THSD4: variants seen among roughly 807,000 people sequenced by gnomAD.
THSD4 encodes thrombospondin type-1 domain-containing protein 4.
In THSD4, 69 loss-of-function variants were observed where a neutral mutation model predicts 119.0. That is an observed-to-expected ratio of 0.58 (90% CI 0.48 to 0.71). The LOEUF (loss-of-function observed/expected upper bound fraction) is 0.71, where lower values mean the gene tolerates loss of function less well. Ranked by LOEUF, THSD4 falls within the 30% of genes least tolerant of loss-of-function variation. The pLI is 0.00. For missense variants in THSD4, 1,393 were observed against 1,391.1 expected, an observed-to-expected ratio of 1.00 and a Z score of -0.02; for synonymous variants, 524 against 540.4, an observed-to-expected ratio of 0.97 and a Z score of 0.42.
At chr15:71,308,374 G>A (rs1370605966) in intron 6 of THSD4, among the ~76,000 whole-genome samples, 2 of 152,296 alleles carry the variant, frequency 1.3e-5, no homozygotes, top group African/African-American at 4.8e-5. Context: ...CAAATAACAG[G>A]TTCTTCACAT....
chr15:71,642,463 G>T (rs1038914166), intron 7 of THSD4, among the ~76,000 whole-genome samples: 5 of 151,982 alleles, frequency 3.3e-5, no homozygotes, highest in African/African-American at 1.2e-4. Context: ...TATACCCAAA[G>T]GACTATAAAT....
At chr15:71,399,259 C>G (rs139923302) in intron 6 of THSD4, among the ~76,000 whole-genome samples, 2 of 152,110 alleles carry the variant, frequency 1.3e-5, no homozygotes, top group Non-Finnish European at 2.9e-5. Context: ...CCTTGTCCTC[C>G]GTAGGCAAGG....
At chr15:71,743,163 C>T (rs566576419) in intron 11 of THSD4, among the ~76,000 whole-genome samples, 8 of 152,152 alleles carry the variant, frequency 5.3e-5, no homozygotes, top group Admixed American at 2.0e-4. Context: ...TGTCCATAAA[C>T]GCCGTAAAAT....
At chr15:71,297,315 C>CTTTTTTTT (rs772196153) in intron 6 of THSD4, among the ~76,000 whole-genome samples, 62,789 of 134,420 alleles carry the variant, frequency 0.47, 15,601 homozygotes, top group Admixed American at 0.61. Flanking sequence ...CTCTCCTCTT[C>CTTTTTTTT]TTTTTTTTGT....
At chr15:71,614,935 C>T (rs1048545327) in intron 7 of THSD4, among the ~76,000 whole-genome samples, 2 of 152,102 alleles carry the variant, frequency 1.3e-5, no homozygotes, top group Admixed American at 6.5e-5. Context: ...AGGACCTCTG[C>T]GGAGCATGCT....
At chr15:71,322,391 C>T (rs187929121) in intron 6 of THSD4, among the ~76,000 whole-genome samples, 105 of 152,282 alleles carry the variant, frequency 6.9e-4, no homozygotes, top group Non-Finnish European at 1.3e-3. Flanking sequence ...ATCAGAAAAA[C>T]TTGCTAGGCC....
chr15:71,346,942 C>T (rs11638864), intron 6 of THSD4, among the ~76,000 whole-genome samples: 85,578 of 142,168 alleles, frequency 0.6, 26,356 homozygotes, highest in East Asian at 0.81. Flanking sequence ...GGTGTGATCT[C>T]GGCTCACCGC....
At chr15:71,709,406 C>G (rs2052462859) in intron 8 of THSD4, among the ~76,000 whole-genome samples, 1 of 152,120 alleles carries the variant, frequency 6.6e-6, no homozygotes, top group South Asian at 2.1e-4. Context: ...CCATGGAAAG[C>G]TGAGCTGCAG....
intron 6 of THSD4, among the ~76,000 whole-genome samples, chr15:71,335,322 A>C (rs923845869): frequency 6.6e-6 from 1 of 152,090 alleles, no homozygotes; most frequent in Admixed American, 6.5e-5. Context: ...TATTTCAAGG[A>C]AACAGAATTT....
chr15:71,502,862 A>G (rs970894881), intron 7 of THSD4, among the ~76,000 whole-genome samples: 1 of 152,240 alleles, frequency 6.6e-6, no homozygotes, highest in African/African-American at 2.4e-5. Flanking sequence ...AATAAGAACT[A>G]TAATACTAAA....
chr15:71,443,493 A>G (rs1243362497), intron 7 of THSD4, among the ~76,000 whole-genome samples: 2 of 152,218 alleles, frequency 1.3e-5, no homozygotes, highest in African/African-American at 4.8e-5. Context: ...GCTACAGTGT[A>G]TTTCTGAATT....
At chr15:71,424,942 C>G (rs1308561307) in intron 7 of THSD4, among the ~76,000 whole-genome samples, 1 of 152,088 alleles carries the variant, frequency 6.6e-6, no homozygotes, top group East Asian at 1.9e-4. Context: ...CCCTGGAGAC[C>G]AACCTTTCAG....
intron 8 of THSD4, among the ~76,000 whole-genome samples, chr15:71,717,814 T>C (rs568772303): frequency 6.6e-6 from 1 of 152,006 alleles, no homozygotes; most frequent in Non-Finnish European, 1.5e-5. Flanking sequence ...TGAGTGTCTG[T>C]TGGTCAGGTA....
intron 1 of THSD4, among the ~76,000 whole-genome samples, chr15:71,097,627 A>G (rs936889697): frequency 2.6e-5 from 4 of 151,380 alleles, no homozygotes; most frequent in Non-Finnish European, 4.4e-5. Flanking sequence ...TGAGGGGGAA[A>G]AAAGAGACAG....
chr15:71,584,014 C>G (rs934631501), intron 7 of THSD4, among the ~76,000 whole-genome samples: 24 of 151,994 alleles, frequency 1.6e-4, no homozygotes, highest in African/African-American at 5.6e-4. Context: ...CTAAAGGCCC[C>G]TATTATTATT....
rs111436554 is a variant in THSD4, at chr15:71,683,587, T to C, written c.1357+22853T>C. Among the ~76,000 whole-genome samples, 1,147 of 152,310 alleles carry C rather than the reference T, an allele frequency of 7.5e-3. 13 individuals are homozygous for C. Among genetic ancestry groups the C allele is most frequent in the African/African-American group, 0.026 (1,082 of 41,570 alleles). ...GCTGCTATTTGAGTTAGGTTGTCAATGTCTTAAGGAATGTGATCCTTGAAT... is the reference window on the plus strand; with the variant it reads ...GCTGCTATTTGAGTTAGGTTGTCAACGTCTTAAGGAATGTGATCCTTGAAT... On this transcript the variant is annotated intron_variant, in intron 8 of 17. Coordinates refer to ENST00000261862, the MANE Select transcript of THSD4 (RefSeq NM_024817.3).
rs66485449 is a variant in THSD4 at position 71,391,026 on chromosome 15, A to AT, written c.1016-20643dup. On this transcript the variant is annotated intron_variant, in intron 6 of 17. Coordinates refer to ENST00000261862, the MANE Select transcript of THSD4 (RefSeq NM_024817.3). ...CAGGCATAAGCCACCATGCCGGCTA[A>AT]TTTTTTTTTTTTTTTTTTCTGAGAC... 3.1e-3 allele frequency among the ~76,000 whole-genome samples: 389 copies of AT among 126,490 alleles called. 3 individuals carry two copies. The highest frequency in any genetic ancestry group is 7.2e-3 in the African/African-American group (239 of 33,174). The allele number at this position is 126,490 out of a possible 152,430, so 83.0% of individuals were successfully genotyped here.
intron 4 of THSD4, among the ~76,000 whole-genome samples, chr15:71,242,275 T>A (rs1381914640): frequency 6.6e-6 from 1 of 152,162 alleles, no homozygotes; most frequent in East Asian, 1.9e-4. Flanking sequence ...GAAATTGCAA[T>A]CATATGTTTG....
At chr15:71,707,148 C>G (rs183231738) in intron 8 of THSD4, among the ~76,000 whole-genome samples, 1 of 152,162 alleles carries the variant, frequency 6.6e-6, no homozygotes, top group East Asian at 1.9e-4. Flanking sequence ...GTCAGTCTCA[C>G]GCAGCACGAA....
Sources: gnomAD v4.1 joint callset for allele counts (sites outside exome capture counted in the v4.1 genomes callset) on GRCh38, gnomAD v4.1.1 for gene constraint, MANE v1.5 for transcripts, NCBI Gene and HGNC (gene_info 2026-07-23, HGNC 2026-07-21) for gene names.